Variants in CDK10 observed in about 807,000 individuals in gnomAD.
The protein encoded by CDK10 is cyclin dependent kinase 10.
CDK10 carries 55 observed loss-of-function variants against 51.0 expected under a neutral mutation model. That is an observed-to-expected ratio of 1.08 (90% CI 0.87 to 1.35). CDK10 has a LOEUF of 1.35. Ranked by LOEUF, CDK10 falls within the 40% of genes most tolerant of loss-of-function variation. The pLI, the probability that CDK10 is intolerant of heterozygous loss-of-function variation, is 0.00. For missense variants in CDK10, 589 were observed against 485.1 expected, an observed-to-expected ratio of 1.21 and a Z score of -2.01; for synonymous variants, 255 against 199.1, an observed-to-expected ratio of 1.28 and a Z score of -2.36.
intron 6 of CDK10, 42 bp from the exon 7 acceptor site, chr16:89,693,232 G>A: frequency 6.2e-7 from 1 of 1,604,444 alleles, no homozygotes; most frequent in South Asian, 1.1e-5. Context: ...CTCAGCCCCT[G>A]TGGCCCTCTG....
chr16:89,690,998 T>G (rs1025508789), intron 3 of CDK10, among the ~76,000 whole-genome samples: 1 of 152,180 alleles, frequency 6.6e-6, no homozygotes, highest in African/African-American at 2.4e-5. Flanking sequence ...TTAAAAGTGC[T>G]TATTGGGCCG....
intron 2 of CDK10, 33 bp downstream of exon 2, chr16:89,689,357 G>A: frequency 6.3e-7 from 1 of 1,589,296 alleles, no homozygotes; most frequent in Non-Finnish European, 8.6e-7. Context: ...TGTGGCCGCA[G>A]CTCGTGGCTG....
At chr16:89,694,532 C>T (rs1312576910) in intron 9 of CDK10, 133 bp from the exon 10 acceptor site, 2 of 1,478,586 alleles carry the variant, frequency 1.4e-6, no homozygotes, top group Non-Finnish European at 1.8e-6. Flanking sequence ...GCCTGTCCTT[C>T]ACAGTGTCCC....
Position 89,695,859 on chromosome 16 carries a change from C to G in CDK10, c.*167C>G, listed in dbSNP as rs2060701196. On this transcript the variant is annotated 3_prime_UTR_variant, in exon 13 of 13. Coordinates refer to ENST00000353379, the MANE Select transcript of CDK10 (RefSeq NM_052988.5). ...CCCACTGTCTGCCCTGAACCCACTG[C>G]TGCCCCCAGAAAAAGGCCGGGTGAC... is the stretch of plus-strand genomic sequence containing the variant. 7 of 1,478,606 alleles carry G rather than the reference C, an allele frequency of 4.7e-6. No individual in the cohort carries two copies. The highest frequency in any genetic ancestry group is 6.4e-6 in the Non-Finnish European group (7 of 1,094,178). The allele number at this position is 1,478,606 out of a possible 1,614,324, so 91.6% of individuals were successfully genotyped here.
rs768609907 is a variant in CDK10, at chr16:89,694,916, T to A, written c.793-15T>A. 1.9e-6 allele frequency: 3 copies of A among 1,610,124 alleles called. No individual in the cohort carries two copies. In the African/African-American group the frequency reaches 4.0e-5, roughly 22 times the overall value. Reference sequence around the variant, plus strand: ...GTGCCCACGCCCTCTGCGCCTCAGCTCCTGCCTCCCATAGGGCTTTTCCAA... The same window carrying A: ...GTGCCCACGCCCTCTGCGCCTCAGCACCTGCCTCCCATAGGGCTTTTCCAA... On this transcript the variant is annotated splice_polypyrimidine_tract_variant and intron_variant, in intron 10 of 12. Transcript: ENST00000353379.
intron 3 of CDK10, 108 bp from the exon 4 acceptor site, chr16:89,691,335 A>C: frequency 1.4e-6 from 1 of 711,388 alleles, no homozygotes; most frequent in Non-Finnish European, 2.3e-6. Context: ...TGAGGTGGGG[A>C]CACTGCAGCA....
rs767582991 is a variant in CDK10, at chr16:89,694,617, C to G, written c.669-48C>G. 5.8e-6 allele frequency: 9 copies of G among 1,560,512 alleles called. No homozygotes were observed. In the African/African-American group the frequency reaches 1.2e-4, roughly 21 times the overall value. On this transcript the variant is annotated intron_variant, in intron 9 of 12. Transcript: ENST00000353379. ...TCAGGTCCTCTGTTCCTCGCGCTGGCGGGGTCAGCAGACGTCTGGCCGCAG... is the reference window on the plus strand; with the variant it reads ...TCAGGTCCTCTGTTCCTCGCGCTGGGGGGGTCAGCAGACGTCTGGCCGCAG...
intron 1 of CDK10, 88 bp from the exon 2 acceptor site, chr16:89,689,164 G>T (rs1321171417): frequency 8.1e-7 from 1 of 1,239,656 alleles, no homozygotes; most frequent in African/African-American, 1.5e-5. Flanking sequence ...GACGTGAGTG[G>T]GCTCCCTGGT....
chr16:89,691,474 G>A lies in CDK10; in HGVS notation c.264G>A (p.Thr88=), dbSNP rs746477654. The change falls in exon 4 of 13, where the codon ACG becomes ACA. Residue 88 remains threonine, a synonymous_variant. Transcript: ENST00000353379. ...GIPISSLREI[T]LLLRLRHPNI... ...CCATCAGCAGCTTGCGGGAGATCAC[G>A]CTGCTGCTCCGCCTGCGTCATCCGA... 8.1e-6 allele frequency: 13 copies of A among 1,613,262 alleles called. No homozygotes were observed. Among genetic ancestry groups the A allele is most frequent in the East Asian group, 2.2e-5 (1 of 44,878 alleles).
At chr16:89,688,473 ACT>A (rs1187038664) in intron 1 of CDK10, among the ~76,000 whole-genome samples, 3 of 151,430 alleles carry the variant, frequency 2.0e-5, no homozygotes, top group Admixed American at 6.6e-5. Flanking sequence ...GCCTTTTTTC[ACT>A]CTCCCCTAAC....
At chr16:89,691,959 C>T in intron 5 of CDK10, 72 bp downstream of exon 5, 2 of 1,305,814 alleles carry the variant, frequency 1.5e-6, no homozygotes, top group Non-Finnish European at 1.1e-6. Context: ...TATAACGAAA[C>T]AGGGCACTTG....
rs1168984080 is a variant in CDK10, at chr16:89,694,703, G to A, written c.707G>A (p.Arg236Lys). Residue 236 changes from arginine (R) to lysine (K), a missense_variant, in exon 10 of 13, where the codon AGG becomes AAG. Coordinates refer to ENST00000353379, the MANE Select transcript of CDK10 (RefSeq NM_052988.5). ...GCILAELLAH[R>K]PLLPGTSEIH... ...ATACTGGCCGAGCTGCTGGCGCACA[G>A]GCCTCTTCTCCCCGGCACTTCCGAG... 7 of 1,587,296 alleles carry A rather than the reference G, an allele frequency of 4.4e-6. No homozygotes were observed. The African/African-American group carries it at 8.1e-5, about 18-fold the overall frequency.
chr16:89,688,834 C>T (rs987925583), intron 1 of CDK10, among the ~76,000 whole-genome samples: 1 of 152,222 alleles, frequency 6.6e-6, no homozygotes, highest in East Asian at 1.9e-4. Context: ...GGTACGGTGG[C>T]TCACGCTTGT....
At position 89,695,907 on chromosome 16, in the gene CDK10, C is replaced by T. The variant is rs530507424; in HGVS notation, c.*215C>T. The stretch of plus-strand genomic sequence containing the variant: ...GACACCGGGGGGCTCCCAGCCCGTG[C>T]ACCCTGGAAGGGCAGGTCTGGCGGC... On this transcript the variant is annotated 3_prime_UTR_variant, in exon 13 of 13. Coordinates refer to ENST00000353379, the MANE Select transcript of CDK10 (RefSeq NM_052988.5). 4.7e-6 allele frequency: 5 copies of T among 1,066,326 alleles called. No homozygotes were observed. Among genetic ancestry groups the T allele is most frequent in the African/African-American group, 4.7e-5 (3 of 64,156 alleles). The allele number at this position is 1,066,326 out of a possible 1,614,324, so 66.1% of individuals were successfully genotyped here.
rs376076381 is a variant in CDK10 at position 89,686,692 on chromosome 16, G to C, written c.-19G>C. On this transcript the variant is annotated 5_prime_UTR_variant, in exon 1 of 13. Transcript: ENST00000353379. Reference sequence around the variant, plus strand: ...CGCGTCTGCGCCTGCGCGCAAGAGAGGCGGGGCCAGCGCTCGGCATGGCGG... The same window carrying C: ...CGCGTCTGCGCCTGCGCGCAAGAGACGCGGGGCCAGCGCTCGGCATGGCGG... 3.6e-5 allele frequency: 55 copies of C among 1,516,590 alleles called. No individual in the cohort carries two copies. The South Asian group carries it at 6.3e-4, about 17-fold the overall frequency. The allele number at this position is 1,516,590 out of a possible 1,614,324, so 93.9% of individuals were successfully genotyped here.
At chr16:89,686,850 C>G (rs374860740) in intron 1 of CDK10, 53 bp downstream of exon 1, 3 of 1,497,790 alleles carry the variant, frequency 2.0e-6, no homozygotes, top group Middle Eastern at 3.4e-4. Flanking sequence ...CGGCACTGCC[C>G]GGCTGGGTCT....
In CDK10 at chr16:89,696,154, G is replaced by A. The variant is rs572609742; in HGVS notation, c.*462G>A. On this transcript the variant is annotated 3_prime_UTR_variant, in exon 13 of 13. Transcript: ENST00000353379. Reference sequence around the variant, plus strand: ...GGCTGTGGGGACCCCAGGTGGGCCTGGCAGGACTCCAGATGAGGACAAGAG... The same window carrying A: ...GGCTGTGGGGACCCCAGGTGGGCCTAGCAGGACTCCAGATGAGGACAAGAG... 3 of 394,838 alleles carry A rather than the reference G, an allele frequency of 7.6e-6. No individual in the cohort carries two copies. The Admixed American group carries it at 1.1e-4, about 15-fold the overall frequency. 24.5% of individuals were successfully genotyped at this position (394,838 alleles called of 1,614,324 possible). A position where few individuals can be genotyped will look rare whatever the true frequency, so the allele number is the denominator to read the frequency against.
intron 1 of CDK10, among the ~76,000 whole-genome samples, chr16:89,688,079 T>C (rs1221715003): frequency 4.0e-5 from 1 of 25,276 alleles, no homozygotes; most frequent in Non-Finnish European, 6.7e-5. Flanking sequence ...TACGTGTGCT[T>C]TTTTTTTTTT....
At chr16:89,688,739 C>G (rs1403919511) in intron 1 of CDK10, among the ~76,000 whole-genome samples, 1 of 152,170 alleles carries the variant, frequency 6.6e-6, no homozygotes, top group Non-Finnish European at 1.5e-5. Flanking sequence ...AAGGGAGTAT[C>G]TGAGTGGCCG....
Sources: allele counts gnomAD v4.1 joint callset (sites outside exome capture counted in the v4.1 genomes callset), GRCh38; gene constraint gnomAD v4.1.1; transcripts MANE v1.5; gene names NCBI Gene and HGNC (gene_info 2026-07-23, HGNC 2026-07-21).